MYLK4: variants seen among roughly 807,000 people sequenced by gnomAD.
MYLK4 encodes caMLCK like.
MYLK4 carries 46 observed loss-of-function variants against 48.1 expected under a neutral mutation model. That is an observed-to-expected ratio of 0.96 (90% confidence interval 0.75 to 1.22). MYLK4 has a LOEUF of 1.22. MYLK4 is among the 50% of genes most tolerant of loss of function. MYLK4 has a pLI of 0.00. For missense variants in MYLK4, 451 were observed against 486.1 expected (o/e 0.93, Z 0.68); for synonymous variants, 170 against 180.8 (o/e 0.94, Z 0.48).
the MYLK4 span, among the ~76,000 whole-genome samples, chr6:2,762,853 CCAGTGGGTT>C: frequency 6.6e-6 from 1 of 152,170 alleles, no homozygotes; most frequent in Non-Finnish European, 1.5e-5. Flanking sequence ...GCCGTTCCTG[CCAGTGGGTT>C]CAGTGGGTTT....
intron 10 of MYLK4, among the ~76,000 whole-genome samples, chr6:2,677,050 T>G (rs1422603842): frequency 1.3e-5 from 2 of 152,134 alleles, no homozygotes; most frequent in Non-Finnish European, 2.9e-5. Flanking sequence ...TTATTATTAT[T>G]AATCCATTAT....
chr6:2,766,461 C>T, the MYLK4 span: 2 of 1,500,304 alleles, frequency 1.3e-6, no homozygotes, highest in South Asian at 1.3e-5. Flanking sequence ...GCGGCCTTGG[C>T]CGTTGGGCTT....
At chr6:2,762,796 C>A in the MYLK4 span, among the ~76,000 whole-genome samples, 2 of 152,154 alleles carry the variant, frequency 1.3e-5, no homozygotes, top group East Asian at 1.9e-4. Context: ...AACTGGCAGA[C>A]CTTCCCGGAG....
At chr6:2,768,570 C>T in the MYLK4 span, 6 of 694,838 alleles carry the variant, frequency 8.6e-6, no homozygotes, top group Admixed American at 3.4e-5. Flanking sequence ...TGCTGCTCAG[C>T]ATTCTTCCGA....
intron 11 of MYLK4, 72 bp from the exon 12 acceptor site, chr6:2,671,420 G>A (rs1760892303): frequency 5.0e-6 from 7 of 1,403,344 alleles, no homozygotes; most frequent in Non-Finnish European, 7.0e-6. Flanking sequence ...GAGCTCACAT[G>A]AAAAGACAAT....
intron 2 of MYLK4, among the ~76,000 whole-genome samples, chr6:2,742,074 T>C (rs1763916259): frequency 6.7e-6 from 1 of 148,820 alleles, no homozygotes; most frequent in African/African-American, 2.5e-5. Context: ...TAATGTTTTA[T>C]GATTGCTTAC....
chr6:2,754,178 C>T (rs1330059338), upstream of MYLK4, among the ~76,000 whole-genome samples: 1 of 152,050 alleles, frequency 6.6e-6, no homozygotes, highest in Non-Finnish European at 1.5e-5. Context: ...TAGGTATCTA[C>T]CCAAGAGAAA....
rs1009628800 is a variant in MYLK4 at position 2,685,018 on chromosome 6, C to G, written c.545+278G>C. Among the ~76,000 whole-genome samples the G allele has an allele frequency of 7.9e-5, 12 of 152,090 alleles. No individual in the cohort carries two copies. The highest frequency in any genetic ancestry group is 2.9e-4 in the African/African-American group (12 of 41,342). On this transcript the variant is annotated intron_variant, in intron 6 of 12. Transcript: ENST00000274643. The surrounding 1 kb of genome is among the most constrained non-coding windows in gnomAD (Gnocchi z 4.5). ...CAAAAACCACTTTCCTCCAGGTTGC[C>G]CTGGCTAATATTTAAGCTTGATTTT... is the stretch of plus-strand genomic sequence containing the variant.
intron 2 of MYLK4, among the ~76,000 whole-genome samples, chr6:2,728,227 T>C (rs1425207849): frequency 1.3e-5 from 2 of 152,222 alleles, no homozygotes; most frequent in East Asian, 3.8e-4. Flanking sequence ...CAAATACTGC[T>C]GCAGGACTTT....
chr6:2,740,499 G>C (rs1031668712), intron 2 of MYLK4, among the ~76,000 whole-genome samples: 1 of 152,216 alleles, frequency 6.6e-6, no homozygotes, highest in Admixed American at 6.5e-5. Context: ...CCAATTGCCT[G>C]CTTCAGTCCT....
At chr6:2,764,376 C>T in the MYLK4 span, among the ~76,000 whole-genome samples, 1 of 151,564 alleles carries the variant, frequency 6.6e-6, no homozygotes, top group African/African-American at 2.4e-5. Context: ...TGGTCGCGGC[C>T]CTGCACTCCA....
intron 2 of MYLK4, among the ~76,000 whole-genome samples, chr6:2,721,156 G>A (rs1371860069): frequency 1.3e-5 from 2 of 152,106 alleles, no homozygotes; most frequent in African/African-American, 4.8e-5. Flanking sequence ...GCAAGACTCT[G>A]TCTCAAAAAT....
At chr6:2,767,381 T>A in the MYLK4 span, among the ~76,000 whole-genome samples, 2 of 152,236 alleles carry the variant, frequency 1.3e-5, no homozygotes, top group Non-Finnish European at 2.9e-5. Context: ...AGCTTTGAGA[T>A]TCAGACTCGT....
chr6:2,730,486 G>A (rs925082002), intron 2 of MYLK4, among the ~76,000 whole-genome samples: 10 of 152,102 alleles, frequency 6.6e-5, no homozygotes, highest in Non-Finnish European at 1.3e-4. Flanking sequence ...TAAAGGCCCT[G>A]GCATTCACTT....
chr6:2,668,889 G>A (rs1375401913), intron 12 of MYLK4, among the ~76,000 whole-genome samples: 1 of 152,020 alleles, frequency 6.6e-6, no homozygotes, highest in African/African-American at 2.4e-5. Flanking sequence ...GGGCAACATA[G>A]TGAGACCCCC....
In MYLK4 at chr6:2,671,182, T is replaced by C. The variant is rs898326648; in HGVS notation, c.*25+94A>G. The C allele has an allele frequency of 2.6e-5, 23 of 882,424 alleles. No individual in the cohort carries two copies. In the African/African-American group the frequency reaches 3.5e-4, roughly 13 times the overall value. 54.7% of individuals were successfully genotyped at this position (882,424 alleles called of 1,614,324 possible). A position where few individuals can be genotyped will look rare whatever the true frequency, so the allele number is the denominator to read the frequency against. On this transcript the variant is annotated intron_variant, in intron 12 of 12. Coordinates refer to ENST00000274643, the MANE Select transcript of MYLK4 (RefSeq NM_001012418.5). ...CACGCCAGCCAAAACGCTGCTCTTC[T>C]TCCTGCATAGTCTGTGAGCAAATGC...
chr6:2,764,935 T>TG, the MYLK4 span, among the ~76,000 whole-genome samples: 1 of 152,220 alleles, frequency 6.6e-6, no homozygotes, highest in Non-Finnish European at 1.5e-5. Context: ...GGTTTTCTAT[T>TG]GGAGGCTTTT....
chr6:2,721,607 GCTACCCAAGACTGCCTCATATGTAAGTTC>G, intron 2 of MYLK4, among the ~76,000 whole-genome samples: 1 of 152,280 alleles, frequency 6.6e-6, no homozygotes, highest in South Asian at 2.1e-4. Flanking sequence ...CCTTCTTCCT[GCTACCCAAGACTGCCTCATATGTAAGTTC>G]CTCCTGAATA....
chr6:2,670,824 A>G (rs1000861329), intron 12 of MYLK4, among the ~76,000 whole-genome samples: 11 of 152,072 alleles, frequency 7.2e-5, no homozygotes, highest in African/African-American at 2.7e-4. Flanking sequence ...TCCACCCTTT[A>G]CAAGCTGCAT....
Sources: allele counts gnomAD v4.1 joint callset (sites outside exome capture counted in the v4.1 genomes callset), GRCh38; gene constraint gnomAD v4.1.1; non-coding constraint Gnocchi (gnomAD v3.1); transcripts MANE v1.5; gene names NCBI Gene and HGNC (gene_info 2026-07-23, HGNC 2026-07-21).